SOS2: variants seen among roughly 807,000 people sequenced by gnomAD.
SOS2 encodes the protein SOS Ras/Rho guanine nucleotide exchange factor 2.
Under a neutral mutation model 148.2 loss-of-function variants are expected in SOS2, and 65 were observed. The ratio of observed to expected loss-of-function variants is 0.44; its 90% CI spans 0.36 to 0.54. The LOEUF is 0.54. SOS2 is among the 20% of genes least tolerant of loss of function. The pLI, the probability that SOS2 is intolerant of heterozygous loss-of-function variation, is 0.00. For missense variants in SOS2, 1,341 were observed against 1,590.2 expected (o/e 0.84, Z 2.67); for synonymous variants, 539 against 537.1 (o/e 1.00, Z -0.05).
At chr14:50,140,556 AAAG>A (rs1205522873) in intron 16 of SOS2, among the ~76,000 whole-genome samples, 1 of 152,220 alleles carries the variant, frequency 6.6e-6, no homozygotes, top group African/African-American at 2.4e-5. Context: ...TTTACTTCAG[AAAG>A]AATATACACA....
At chr14:50,163,260 A>C (rs1885069490) in intron 8 of SOS2, among the ~76,000 whole-genome samples, 1 of 151,784 alleles carries the variant, frequency 6.6e-6, no homozygotes, top group African/African-American at 2.4e-5. Context: ...ATTTTTAAAA[A>C]CTTAAATCTA....
intron 8 of SOS2, among the ~76,000 whole-genome samples, chr14:50,172,878 TTCTC>T (rs1169768127): frequency 5.3e-5 from 8 of 152,144 alleles, no homozygotes; most frequent in Non-Finnish European, 1.2e-4. Context: ...ATCCATTCAT[TTCTC>T]TCTATTACTG....
At chr14:50,166,651 T>G (rs1368368262) in intron 8 of SOS2, among the ~76,000 whole-genome samples, 1 of 152,204 alleles carries the variant, frequency 6.6e-6, no homozygotes, top group African/African-American at 2.4e-5. Context: ...TGTAAGTTTT[T>G]TCTTAACTCT....
intron 1 of SOS2, among the ~76,000 whole-genome samples, chr14:50,221,595 C>T (rs112815497): frequency 6.6e-6 from 1 of 152,182 alleles, no homozygotes; most frequent in Non-Finnish European, 1.5e-5. Flanking sequence ...AGTATCTTGC[C>T]TCTTCCATCC....
intron 13 of SOS2, among the ~76,000 whole-genome samples, chr14:50,152,838 G>A (rs957885300): frequency 6.6e-6 from 1 of 152,058 alleles, no homozygotes; most frequent in African/African-American, 2.4e-5. Flanking sequence ...GATGTCATGT[G>A]CCTGTAGTCC....
intron 4 of SOS2, among the ~76,000 whole-genome samples, chr14:50,199,243 G>A (rs1421396915): frequency 1.3e-5 from 2 of 152,062 alleles, no homozygotes; most frequent in Non-Finnish European, 2.9e-5. Flanking sequence ...TTACAGCCAG[G>A]AAAGAAGACA....
At chr14:50,162,017 G>C (rs963312393) in intron 8 of SOS2, among the ~76,000 whole-genome samples, 3 of 151,520 alleles carry the variant, frequency 2.0e-5, no homozygotes, top group Admixed American at 2.0e-4. Flanking sequence ...CCAAAGTGCT[G>C]GGATTACAGG....
intron 2 of SOS2, among the ~76,000 whole-genome samples, chr14:50,201,925 T>C (rs1886503841): frequency 6.6e-6 from 1 of 152,154 alleles, no homozygotes; most frequent in Non-Finnish European, 1.5e-5. Context: ...AAAACAATCT[T>C]AGCCTTTGTG....
At chr14:50,149,839 T>A (rs1023436054) in intron 14 of SOS2, among the ~76,000 whole-genome samples, 169 bp downstream of exon 14, 130 of 152,298 alleles carry the variant, frequency 8.5e-4, no homozygotes, top group African/African-American at 3.1e-3. Context: ...CATAAGACTT[T>A]TACTTGCAGG....
chr14:50,221,167 TAGCAAGTAAATTGC>T (rs914279524), intron 1 of SOS2, among the ~76,000 whole-genome samples: 7 of 152,216 alleles, frequency 4.6e-5, no homozygotes, highest in Non-Finnish European at 7.3e-5. Flanking sequence ...CACTACTCAC[TAGCAAGTAAATTGC>T]AGCAGACAAC....
chr14:50,178,709 T>C lies in SOS2; in HGVS notation c.969+1863A>G, dbSNP rs1175395027. On this transcript the variant is annotated intron_variant, in intron 7 of 22. Transcript: ENST00000216373. Reference sequence around the variant, plus strand: ...ATATATATATATATATATATATATATATACACACATATACACACACATATA... The same window carrying C: ...ATATATATATATATATATATATATACATACACACATATACACACACATATA... Among the ~76,000 whole-genome samples, 97 of 69,856 alleles carry C rather than the reference T, an allele frequency of 1.4e-3. 1 individual carries two copies. Among genetic ancestry groups the C allele is most frequent in the Admixed American group, 0.011 (62 of 5,756 alleles). The allele number at this position is 69,856 out of a possible 152,430, so 45.8% of individuals were successfully genotyped here.
intron 19 of SOS2, among the ~76,000 whole-genome samples, chr14:50,132,190 TG>T (rs1171250619): frequency 6.6e-6 from 1 of 151,790 alleles, no homozygotes; most frequent in African/African-American, 2.4e-5. Flanking sequence ...GAGGTGGAAG[TG>T]TGGTCCAGTC....
rs1266763939 is a variant in SOS2 at position 50,182,558 on chromosome 14, C to G, written c.763G>C (p.Val255Leu). ...SNISDIHELT[V>L]KLLGLIEDTV... ...TCTTCAATCAAACCTAAAAGTTTCA[C>G]AGTCAATTCATGTATATCTGAAATG... The change falls in exon 6 of 23, where the codon GTG (valine) becomes CTG (leucine). Residue 255 changes from valine to leucine, a missense_variant. Val to Leu is a conservative substitution (Grantham distance 32, BLOSUM62 1). Transcript: ENST00000216373. 6.2e-7 allele frequency: 1 copy of G among 1,607,540 alleles called. No homozygotes were observed. The highest frequency in any genetic ancestry group is 8.5e-7 in the Non-Finnish European group (1 of 1,174,034).
In SOS2 at chr14:50,157,034, T is replaced by C. The variant is rs373822788; in HGVS notation, c.2022A>G (p.Arg674=). ...GEQPISADLK[R]FRKEYVQPVQ... is the part of the protein sequence containing the mutation. ...CTGGTTGGACATATTCCTTGCGAAA[T>C]CTTTTAAGGTCTGCACTGATTGGCT... Residue 674 remains arginine (R), a synonymous_variant, in exon 12 of 23, where the codon AGA becomes AGG. Coordinates refer to ENST00000216373, the MANE Select transcript of SOS2 (RefSeq NM_006939.4). 4.3e-5 allele frequency: 70 copies of C among 1,610,732 alleles called. No individual in the cohort carries two copies. Among genetic ancestry groups the C allele is most frequent in the Non-Finnish European group, 5.7e-5 (67 of 1,178,160 alleles).
rs997584025 is a variant in SOS2 at position 50,210,239 on chromosome 14, C to CAA, written c.88-5831_88-5830insTT. Among the ~76,000 whole-genome samples the CAA allele has an allele frequency of 8.5e-5, 13 of 152,218 alleles. No individual in the cohort carries two copies. In the East Asian group the frequency reaches 1.7e-3, roughly 20 times the overall value. On this transcript the variant is annotated intron_variant, in intron 1 of 22. Transcript: ENST00000216373. ...ATAACAGAGTCCACAAACAAGTCCA[C>CAA]ATATATATAGACGCTTATTTACACA...
chr14:50,208,067 G>A lies in SOS2; in HGVS notation c.88-3658C>T, dbSNP rs191116683. Among the ~76,000 whole-genome samples the A allele has an allele frequency of 3.7e-3, 570 of 152,142 alleles. 1 individual carries two copies. The highest frequency in any genetic ancestry group is 6.8e-3 in the Admixed American group (104 of 15,276). ...TCCCAGCACTTTAGGAGGCCGAGGC[G>A]GGTGGATCACTTGAGGTCAGGAGTT... On this transcript the variant is annotated intron_variant, in intron 1 of 22. Coordinates refer to ENST00000216373, the MANE Select transcript of SOS2 (RefSeq NM_006939.4).
rs1883357249 is a variant in SOS2, at chr14:50,118,226, C to T, written c.*118G>A. ...TCTTAAAAGCTTATTTGATCAGTAG[C>T]ATTTTTGTAAGAGCATTATTTGTAA... On this transcript the variant is annotated 3_prime_UTR_variant, in exon 23 of 23. Coordinates refer to ENST00000216373, the MANE Select transcript of SOS2 (RefSeq NM_006939.4). 1 of 834,314 alleles carries T rather than the reference C, an allele frequency of 1.2e-6. No homozygotes were observed. The highest frequency in any genetic ancestry group is 1.8e-6 in the Non-Finnish European group (1 of 541,486). 51.7% of individuals were successfully genotyped at this position (834,314 alleles called of 1,614,324 possible). A position where few individuals can be genotyped will look rare whatever the true frequency, so the allele number is the denominator to read the frequency against.
At chr14:50,173,075 A>C (rs1885418926) in intron 8 of SOS2, among the ~76,000 whole-genome samples, 1 of 151,880 alleles carries the variant, frequency 6.6e-6, no homozygotes, top group Admixed American at 6.6e-5. Flanking sequence ...ACCTCATGTG[A>C]TCCTCCTATC....
intron 2 of SOS2, among the ~76,000 whole-genome samples, chr14:50,201,501 T>C (rs1595018749): frequency 7.9e-6 from 1 of 126,534 alleles, no homozygotes; most frequent in Non-Finnish European, 1.6e-5. Context: ...GCCACTGCAC[T>C]CCAGCCTGGG....
Sources: allele counts gnomAD v4.1 joint callset (sites outside exome capture counted in the v4.1 genomes callset), GRCh38; gene constraint gnomAD v4.1.1; transcripts MANE v1.5; gene names NCBI Gene and HGNC (gene_info 2026-07-23, HGNC 2026-07-21).